The following CMTM4 variants were observed in gnomAD, a reference collection of about 807,000 sequenced individuals.
CMTM4 encodes the protein CKLF like MARVEL transmembrane domain containing 4, also known as CKLF-like MARVEL transmembrane domain-containing protein 4.
In CMTM4, 8 loss-of-function variants were observed where a neutral mutation model predicts 19.0. The ratio of observed to expected loss-of-function variants is 0.42; its 90% CI spans 0.25 to 0.76. CMTM4 has a LOEUF of 0.76. CMTM4 is among the 30% of genes least tolerant of loss of function. CMTM4 has a pLI of 0.27. For synonymous variants in CMTM4, 106 were observed against 121.1 expected (o/e 0.88, Z 0.82); for missense variants, 228 against 290.2 (o/e 0.79, Z 1.56).
At chr16:66,635,163 T>C (rs1018053449) in intron 2 of CMTM4, among the ~76,000 whole-genome samples, 1 of 152,216 alleles carries the variant, frequency 6.6e-6, no homozygotes, top group Non-Finnish European at 1.5e-5. Context: ...CATTTTCTTA[T>C]GGATAACATA....
chr16:66,609,801 G>A (rs764874227), downstream of CMTM4: 25 of 1,613,640 alleles, frequency 1.5e-5, no homozygotes, highest in Non-Finnish European at 1.9e-5. The surrounding 1 kb of genome is among the most constrained non-coding windows in gnomAD (Gnocchi z 4.4). Flanking sequence ...AAGCAGATCT[G>A]AAATGGGCCG....
chr16:66,668,023 G>A lies in CMTM4; in HGVS notation c.186+28317C>T, dbSNP rs929725190. Among the ~76,000 whole-genome samples the A allele has an allele frequency of 1.6e-4, 24 of 151,680 alleles. 1 individual carries two copies. Among genetic ancestry groups the A allele is most frequent in the Admixed American group, 1.3e-3 (20 of 15,220 alleles). ...TGTTTGTTTTGCTTTTGGTTTTTGAGAGACAGGGTCTCACTGTCACCCAGG... is the reference window on the plus strand; with the variant it reads ...TGTTTGTTTTGCTTTTGGTTTTTGAAAGACAGGGTCTCACTGTCACCCAGG... On this transcript the variant is annotated intron_variant, in intron 1 of 3. Coordinates refer to ENST00000394106, the MANE Select transcript of CMTM4 (RefSeq NM_181521.3).
At chr16:66,660,903 G>A (rs974076749) in intron 1 of CMTM4, among the ~76,000 whole-genome samples, 9 of 152,052 alleles carry the variant, frequency 5.9e-5, no homozygotes, top group South Asian at 2.1e-4. Context: ...GCAGTTTACC[G>A]CACGGTGGGG....
intron 1 of CMTM4, among the ~76,000 whole-genome samples, chr16:66,686,491 G>A (rs2144916950): frequency 6.8e-6 from 1 of 147,532 alleles, no homozygotes; most frequent in Non-Finnish European, 1.5e-5. Flanking sequence ...GGAGGTTGCA[G>A]TGAGCCAAGA....
intron 1 of CMTM4, among the ~76,000 whole-genome samples, chr16:66,672,134 G>A (rs907301994): frequency 1.6e-4 from 24 of 152,000 alleles, no homozygotes; most frequent in African/African-American, 5.6e-4. Flanking sequence ...TGACCAGGCC[G>A]GGCACAGTGC....
chr16:66,675,686 A>G (rs900607260), intron 1 of CMTM4, among the ~76,000 whole-genome samples: 11 of 151,990 alleles, frequency 7.2e-5, no homozygotes, highest in African/African-American at 2.7e-4. Context: ...AGACATGGAC[A>G]TGCACAGTGA....
Position 66,617,151 on chromosome 16 carries a change from C to G in CMTM4, c.*4907G>C, listed in dbSNP as rs559066395. The G allele has an allele frequency of 1.1e-6, 1 of 907,004 alleles. No homozygotes were observed. Among genetic ancestry groups the G allele is most frequent in the Non-Finnish European group, 1.7e-6 (1 of 603,382 alleles). 56.2% of individuals were successfully genotyped at this position (907,004 alleles called of 1,614,324 possible). On this transcript the variant is annotated 3_prime_UTR_variant, in exon 4 of 4. Coordinates refer to ENST00000394106, the MANE Select transcript of CMTM4 (RefSeq NM_181521.3). ...TGTATTATGCATCCCAAAGAAAACA[C>G]GCCACCCCAGGTGTCTAGATAGCAA...
intron 1 of CMTM4, among the ~76,000 whole-genome samples, chr16:66,672,286 T>G (rs1293006157): frequency 2.6e-5 from 4 of 151,278 alleles, no homozygotes; most frequent in African/African-American, 9.7e-5. Flanking sequence ...GCGCCTGTAA[T>G]CCCAGCTTCT....
At chr16:66,645,433 C>T (rs2016174977) in intron 1 of CMTM4, among the ~76,000 whole-genome samples, 1 of 151,712 alleles carries the variant, frequency 6.6e-6, no homozygotes, top group Admixed American at 6.6e-5. Context: ...CAAAAATTAG[C>T]CAGGCATGGT....
At chr16:66,649,280 A>T (rs573425672) in intron 1 of CMTM4, among the ~76,000 whole-genome samples, 26 of 150,262 alleles carry the variant, frequency 1.7e-4, no homozygotes, top group Admixed American at 1.0e-3. Flanking sequence ...TTAAAAGTCC[A>T]TTTTTTTTTT....
At chr16:66,663,610 T>C (rs1454385824) in intron 1 of CMTM4, among the ~76,000 whole-genome samples, 1 of 147,432 alleles carries the variant, frequency 6.8e-6, no homozygotes, top group African/African-American at 2.5e-5. Context: ...TGGTGCGATC[T>C]TGGCTCACTG....
intron 1 of CMTM4, among the ~76,000 whole-genome samples, chr16:66,676,305 A>T (rs2016809910): frequency 6.6e-6 from 1 of 152,170 alleles, no homozygotes; most frequent in Non-Finnish European, 1.5e-5. Context: ...TATTCCAAAA[A>T]ACGCCTAAGG....
At chr16:66,640,455 G>A (rs1348860830) in intron 1 of CMTM4, among the ~76,000 whole-genome samples, 3 of 152,284 alleles carry the variant, frequency 2.0e-5, no homozygotes, top group Non-Finnish European at 4.4e-5. Context: ...TGGGAAGGGG[G>A]TCAGGTGGCC....
At chr16:66,683,149 A>ATATACATG (rs2016953673) in intron 1 of CMTM4, among the ~76,000 whole-genome samples, 6 of 127,260 alleles carry the variant, frequency 4.7e-5, no homozygotes, top group South Asian at 2.6e-4. Flanking sequence ...ATATATATGT[A>ATATACATG]TATATATATA....
chr16:66,649,009 G>C lies in CMTM4; in HGVS notation c.187-12428C>G, dbSNP rs1357947116. On this transcript the variant is annotated intron_variant, in intron 1 of 3. Transcript: ENST00000394106. ...AAAGGAAAAGGAAAAGAAAAGAAAA[G>C]AGAAATCTTAGCCCCCAGACACTAT... 2.0e-5 allele frequency among the ~76,000 whole-genome samples: 3 copies of C among 152,074 alleles called. No homozygotes were observed. In the East Asian group the frequency reaches 5.8e-4, roughly 29 times the overall value.
At position 66,636,016 on chromosome 16, in the gene CMTM4, A is replaced by G. The variant is rs373063673; in HGVS notation, c.363+389T>C. The stretch of plus-strand genomic sequence containing the variant: ...CTGTAAGTTACTGGCATTTTCATTC[A>G]TATTTTCAATTCTTCCAGAATCAAT... On this transcript the variant is annotated intron_variant, in intron 2 of 3. Transcript: ENST00000394106. Among the ~76,000 whole-genome samples, 11 of 152,204 alleles carry G rather than the reference A, an allele frequency of 7.2e-5. No individual in the cohort carries two copies. The East Asian group carries it at 7.7e-4, about 11-fold the overall frequency.
intron 1 of CMTM4, among the ~76,000 whole-genome samples, chr16:66,690,555 T>C (rs2017116130): frequency 6.6e-6 from 1 of 152,184 alleles, no homozygotes; most frequent in African/African-American, 2.4e-5. Flanking sequence ...CAGCCAGGGA[T>C]TGTGCTGACT....
At chr16:66,604,820 C>T in the CMTM4 span, 37 of 1,301,902 alleles carry the variant, frequency 2.8e-5, no homozygotes, top group Non-Finnish European at 3.6e-5. Context: ...GGCCCCCAGA[C>T]CCCGACCCCG....
chr16:66,678,579 C>A (rs1280470744), intron 1 of CMTM4, among the ~76,000 whole-genome samples: 2 of 152,152 alleles, frequency 1.3e-5, no homozygotes, highest in African/African-American at 4.8e-5. Context: ...ACATAACTGA[C>A]AGCAATGCAA....
Sources: allele counts gnomAD v4.1 joint callset (sites outside exome capture counted in the v4.1 genomes callset), GRCh38; gene constraint gnomAD v4.1.1; non-coding constraint Gnocchi (gnomAD v3.1); transcripts MANE v1.5; gene names NCBI Gene and HGNC (gene_info 2026-07-23, HGNC 2026-07-21).